Variants in NRG1 observed in about 807,000 individuals in gnomAD.
NRG1 encodes neuregulin 1, also known as pro-neuregulin-1, membrane-bound isoform.
A neutral mutation model predicts 63.8 loss-of-function variants in NRG1; 18 were observed. The observed-to-expected ratio is 0.28, with a 90% confidence interval of 0.19 to 0.42. The LOEUF (loss-of-function observed/expected upper bound fraction) is 0.42, where lower values mean the gene tolerates loss of function less well. Among genes scored for constraint, NRG1 ranks in the 10% least tolerant of loss-of-function variants. The pLI is 1.00. For missense variants in NRG1, 762 were observed against 814.7 expected (o/e 0.94, Z 0.79); for synonymous variants, 302 against 301.3 (o/e 1.00, Z -0.02).
intron 1 of NRG1, among the ~76,000 whole-genome samples, chr8:31,938,669 GA>G (rs1801304876): frequency 6.6e-6 from 1 of 152,114 alleles, no homozygotes; most frequent in South Asian, 2.1e-4. Flanking sequence ...CGTGATACAG[GA>G]TATGAAAGGA....
At position 32,450,681 on chromosome 8, in the gene NRG1, G is replaced by C. The variant is rs983823499; in HGVS notation, c.38-145147G>C. 2.1e-4 allele frequency among the ~76,000 whole-genome samples: 32 copies of C among 152,038 alleles called. 1 individual carries two copies. The highest frequency in any genetic ancestry group is 7.3e-5 in the African/African-American group (3 of 41,374). On this transcript the variant is annotated intron_variant, in intron 1 of 10. Coordinates refer to the NRG1 transcript ENST00000519301. Reference sequence around the variant, plus strand: ...TCCTCCTGCTTCCACCTTCCAAAGCGCTGAGATTATAGACGTGAACCACTG... The same window carrying C: ...TCCTCCTGCTTCCACCTTCCAAAGCCCTGAGATTATAGACGTGAACCACTG...
At chr8:32,160,217 G>A (rs1249045752) in intron 1 of NRG1, among the ~76,000 whole-genome samples, 1 of 152,164 alleles carries the variant, frequency 6.6e-6, no homozygotes, top group African/African-American at 2.4e-5. Flanking sequence ...GAATAAGGCA[G>A]ACACGTTCAA....
At chr8:32,600,645 T>G (rs1291405865) in intron 2 of NRG1, among the ~76,000 whole-genome samples, 1 of 152,160 alleles carries the variant, frequency 6.6e-6, no homozygotes, top group African/African-American at 2.4e-5. Context: ...CACTGTACTG[T>G]TTTTTCTTAT....
intron 5 of NRG1, among the ~76,000 whole-genome samples, chr8:32,656,459 G>T (rs952631818): frequency 6.6e-6 from 1 of 152,136 alleles, no homozygotes; most frequent in Admixed American, 6.5e-5. Context: ...AGCCAGTGCT[G>T]TTCTAGATAT....
rs139250870 is a variant in NRG1 at position 32,076,409 on chromosome 8, A to G, written c.37+436978A>G. ...AAAATGATTAGAAGTGTATTGTTAA[A>G]TACCAAAAAGAAAATAATTCTGGGG... On this transcript the variant is annotated intron_variant, in intron 1 of 10. Transcript: ENST00000519301. Among the ~76,000 whole-genome samples, 620 of 135,084 alleles carry G rather than the reference A, an allele frequency of 4.6e-3. 10 individuals carry two copies. Among genetic ancestry groups the G allele is most frequent in the African/African-American group, 0.016 (591 of 36,094 alleles). The allele number at this position is 135,084 out of a possible 152,430, so 88.6% of individuals were successfully genotyped here. A position where few individuals can be genotyped will look rare whatever the true frequency, so the allele number is the denominator to read the frequency against.
chr8:32,696,717 A>G (rs1813421335), intron 5 of NRG1, among the ~76,000 whole-genome samples: 1 of 141,404 alleles, frequency 7.1e-6, no homozygotes, highest in African/African-American at 2.7e-5. Context: ...GCTGGAGTGC[A>G]ATGGCGCAAT....
intron 1 of NRG1, among the ~76,000 whole-genome samples, chr8:31,850,774 G>A (rs188981277): frequency 2.6e-5 from 4 of 152,262 alleles, no homozygotes; most frequent in Admixed American, 2.6e-4. Flanking sequence ...CATTTTCAAA[G>A]TGAGTCTGCA....
At chr8:31,675,754 T>C (rs914041768) in intron 1 of NRG1, among the ~76,000 whole-genome samples, 1 of 152,200 alleles carries the variant, frequency 6.6e-6, no homozygotes, top group African/African-American at 2.4e-5. Flanking sequence ...AAATGAGTTA[T>C]AGATGACCAA....
intron 5 of NRG1, among the ~76,000 whole-genome samples, chr8:32,713,335 T>C (rs1383526287): frequency 6.6e-6 from 1 of 152,120 alleles, no homozygotes; most frequent in Non-Finnish European, 1.5e-5. Context: ...CTCAGACAAG[T>C]AACCAGCTCT....
chr8:32,355,964 C>CGT (rs953587120), intron 1 of NRG1, among the ~76,000 whole-genome samples: 1 of 151,756 alleles, frequency 6.6e-6, no homozygotes, highest in African/African-American at 2.4e-5. Flanking sequence ...TGCACGTGCG[C>CGT]GTGTGTGTGT....
intron 1 of NRG1, among the ~76,000 whole-genome samples, chr8:31,690,900 C>T (rs146309548): frequency 2.8e-4 from 43 of 152,158 alleles, no homozygotes; most frequent in African/African-American, 1.0e-3. Context: ...AAGACAATCT[C>T]CAGATATATG....
intron 1 of NRG1, among the ~76,000 whole-genome samples, chr8:32,359,214 G>A (rs969955953): frequency 6.6e-6 from 1 of 152,022 alleles, no homozygotes; most frequent in African/African-American, 2.4e-5. Flanking sequence ...CATAAGAGAC[G>A]GAAAAGGATT....
chr8:31,739,023 CTGTG>C (rs1337965467), intron 1 of NRG1, among the ~76,000 whole-genome samples: 1 of 151,920 alleles, frequency 6.6e-6, no homozygotes, highest in Non-Finnish European at 1.5e-5. Context: ...ATAACTACAT[CTGTG>C]TGTGTGTGGT....
intron 1 of NRG1, among the ~76,000 whole-genome samples, chr8:31,981,372 G>A (rs1009222220): frequency 1.3e-5 from 2 of 151,910 alleles, no homozygotes; most frequent in Admixed American, 1.3e-4. Context: ...TATAATCAGA[G>A]CAACTTGAAT....
intron 1 of NRG1, among the ~76,000 whole-genome samples, chr8:32,398,059 A>G (rs34612844): frequency 0.34 from 51,365 of 151,868 alleles, 9,099 homozygotes; most frequent in Middle Eastern, 0.43. Context: ...ATACACAAAC[A>G]CCTGATTCTG....
At chr8:32,400,934 A>G (rs1165190356) in intron 1 of NRG1, among the ~76,000 whole-genome samples, 1 of 152,236 alleles carries the variant, frequency 6.6e-6, no homozygotes, top group Non-Finnish European at 1.5e-5. Flanking sequence ...AATGTGGTAC[A>G]TATACACCAT....
At position 32,110,080 on chromosome 8, in the gene NRG1, T is replaced by A. The variant is rs76915294; in HGVS notation, c.37+470649T>A. On this transcript the variant is annotated intron_variant, in intron 1 of 10. Coordinates refer to the NRG1 transcript ENST00000519301. Reference sequence around the variant, plus strand: ...GCAAACCCCATACTGTTGCTTGGAATAAAACAGGTGCTGAATAAATGGTAG... The same window carrying A: ...GCAAACCCCATACTGTTGCTTGGAAAAAAACAGGTGCTGAATAAATGGTAG... Among the ~76,000 whole-genome samples the A allele has an allele frequency of 3.3e-5, 5 of 152,316 alleles. No homozygotes were observed. The East Asian group carries it at 9.6e-4, about 29-fold the overall frequency.
intron 3 of NRG1, among the ~76,000 whole-genome samples, chr8:32,611,424 A>G (rs1846341023): frequency 6.6e-6 from 1 of 152,118 alleles, no homozygotes; most frequent in Admixed American, 6.6e-5. Context: ...GTTGAAAAGC[A>G]TGTAAAATAT....
chr8:32,404,808 C>T (rs928522105), intron 1 of NRG1, among the ~76,000 whole-genome samples: 3 of 152,062 alleles, frequency 2.0e-5, no homozygotes, highest in Non-Finnish European at 4.4e-5. Flanking sequence ...TTGTCTTGAA[C>T]TCCTAATGTC....
Sources: gnomAD v4.1 joint callset for allele counts (sites outside exome capture counted in the v4.1 genomes callset) on GRCh38, gnomAD v4.1.1 for gene constraint, MANE v1.5 for transcripts, NCBI Gene and HGNC (gene_info 2026-07-23, HGNC 2026-07-21) for gene names.